KICS2: variants seen among roughly 807,000 people sequenced by gnomAD.
The protein encoded by KICS2 is KICSTOR subunit 2.
Under a neutral mutation model 31.4 loss-of-function variants are expected in KICS2, and 13 were observed. The ratio of observed to expected loss-of-function variants is 0.41; its 90% CI spans 0.27 to 0.66. The LOEUF is 0.66. Among genes scored for constraint, KICS2 ranks in the 30% least tolerant of loss-of-function variants. The probability of loss-of-function intolerance (pLI) is 0.28; values close to 1 mark genes in which losing one functional copy is unlikely to be tolerated. For missense variants in KICS2, 455 were observed against 545.4 expected (o/e 0.83, Z 1.65); for synonymous variants, 209 against 214.8 (o/e 0.97, Z 0.24).
At chr12:64,212,419 G>A (rs1391229442) in intron 2 of KICS2, among the ~76,000 whole-genome samples, 3 of 152,162 alleles carry the variant, frequency 2.0e-5, no homozygotes, top group East Asian at 1.9e-4. Flanking sequence ...TGGAAATTAT[G>A]TAATTTCCAT....
In KICS2 at chr12:64,193,196, A is replaced by C; in HGVS notation, c.*646T>G. On this transcript the variant is annotated 3_prime_UTR_variant, in exon 3 of 3. Coordinates refer to ENST00000398055, the MANE Select transcript of KICS2 (RefSeq NM_152440.5). ...AGTTAGGTGTGTACATTACCCCAAA[A>C]GAACCCATGGCTATTAAAGCTGCCA... 1 of 985,572 alleles carries C rather than the reference A, an allele frequency of 1.0e-6. No homozygotes were observed. Among genetic ancestry groups the C allele is most frequent in the Non-Finnish European group, 1.2e-6 (1 of 830,032 alleles). The allele number at this position is 985,572 out of a possible 1,614,324, so 61.1% of individuals were successfully genotyped here.
chr12:64,194,994 A>T (rs1256473986), intron 2 of KICS2, among the ~76,000 whole-genome samples: 2 of 150,252 alleles, frequency 1.3e-5, no homozygotes, highest in East Asian at 2.0e-4. Flanking sequence ...CCCAGGCTGG[A>T]GTGCAATTGT....
chr12:64,196,442 C>T (rs1167214080), intron 2 of KICS2, among the ~76,000 whole-genome samples: 6 of 149,966 alleles, frequency 4.0e-5, no homozygotes, highest in East Asian at 2.0e-4. Flanking sequence ...CACCGAAAAC[C>T]CATCTGTACA....
chr12:64,202,255 A>G (rs1007254817), intron 2 of KICS2, among the ~76,000 whole-genome samples: 7 of 152,064 alleles, frequency 4.6e-5, no homozygotes, highest in African/African-American at 1.7e-4. Context: ...AACATTCAAA[A>G]ATTAGTCAAG....
chr12:64,222,258 A>T lies in KICS2; in HGVS notation c.-21T>A, dbSNP rs1054116251. On this transcript the variant is annotated 5_prime_UTR_variant, in exon 1 of 3. Transcript: ENST00000398055. ...CCCATGCGAGCTGCGCCCCAGCTCG[A>T]CCCACGTGGCTCTCCTCGGCCTCGC... The T allele has an allele frequency of 6.2e-7, 1 of 1,611,142 alleles. No individual in the cohort carries two copies. The highest frequency in any genetic ancestry group is 2.2e-5 in the East Asian group (1 of 44,798).
At chr12:64,208,136 A>G (rs527725343) in intron 2 of KICS2, among the ~76,000 whole-genome samples, 9 of 152,178 alleles carry the variant, frequency 5.9e-5, no homozygotes, top group Admixed American at 3.9e-4. Context: ...CAGCCTCCCA[A>G]GTACCTGGGA....
In KICS2 at chr12:64,215,807, A is replaced by C; in HGVS notation, c.392T>G (p.Phe131Cys). The change falls in exon 2 of 3, where the codon TTC becomes TGC. Residue 131 changes from phenylalanine to cysteine, a missense_variant. Coordinates refer to ENST00000398055, the MANE Select transcript of KICS2 (RefSeq NM_152440.5). ...LLSHLSEQLC[F>C]FVQARMEIAD... Reference sequence around the variant, plus strand: ...TATCTCCATCCGAGCCTGAACAAAGAAGCAGAGCTGCTCTGACAGGTGGGA... The same window carrying C: ...TATCTCCATCCGAGCCTGAACAAAGCAGCAGAGCTGCTCTGACAGGTGGGA... The C allele has an allele frequency of 6.2e-7, 1 of 1,614,120 alleles. No homozygotes were observed. The highest frequency in any genetic ancestry group is 1.1e-5 in the South Asian group (1 of 91,062).
rs1367150924 is a variant in KICS2 at position 64,192,637 on chromosome 12, A to C, written c.*1205T>G. On this transcript the variant is annotated 3_prime_UTR_variant, in exon 3 of 3. Coordinates refer to ENST00000398055, the MANE Select transcript of KICS2 (RefSeq NM_152440.5). ...GGAACCATCAAACCAGTAACAACTCAATTACTCTTTGTGGCTTCTTTTTAT... is the reference window on the plus strand; with the variant it reads ...GGAACCATCAAACCAGTAACAACTCCATTACTCTTTGTGGCTTCTTTTTAT... The C allele has an allele frequency of 7.1e-6, 7 of 985,320 alleles. No individual in the cohort carries two copies. Among genetic ancestry groups the C allele is most frequent in the African/African-American group, 1.7e-5 (1 of 57,238 alleles). The allele number at this position is 985,320 out of a possible 1,614,324, so 61.0% of individuals were successfully genotyped here.
chr12:64,214,262 C>G (rs944704386), intron 2 of KICS2, among the ~76,000 whole-genome samples: 1 of 152,220 alleles, frequency 6.6e-6, no homozygotes, highest in African/African-American at 2.4e-5. Context: ...AGCACAGCAG[C>G]TGTGATGGAG....
intron 1 of KICS2, among the ~76,000 whole-genome samples, chr12:64,219,068 G>C (rs2037655275): frequency 6.6e-6 from 1 of 152,060 alleles, no homozygotes; most frequent in Non-Finnish European, 1.5e-5. Context: ...ATGATTTTTA[G>C]AAGGCTCTAG....
At chr12:64,217,866 A>G (rs1214502167) in intron 1 of KICS2, among the ~76,000 whole-genome samples, 1 of 139,088 alleles carries the variant, frequency 7.2e-6, no homozygotes, top group Admixed American at 6.8e-5. Flanking sequence ...GAAAGGAAAG[A>G]AAAGAAAAGA....
intron 2 of KICS2, among the ~76,000 whole-genome samples, chr12:64,195,493 T>C (rs2037425516): frequency 6.6e-6 from 1 of 152,214 alleles, no homozygotes. Flanking sequence ...TAAATGTTTA[T>C]TAAAGAAATA....
rs1035659786 is a variant in KICS2 at position 64,205,067 on chromosome 12, T to A, written c.522-10409A>T. On this transcript the variant is annotated intron_variant, in intron 2 of 2. Coordinates refer to ENST00000398055, the MANE Select transcript of KICS2 (RefSeq NM_152440.5). ...CTATAATCATGGCTATTAGGAAAAT[T>A]TGCCCAGGAACTAGCAACATAGTAA... Among the ~76,000 whole-genome samples, 7 of 152,150 alleles carry A rather than the reference T, an allele frequency of 4.6e-5. No homozygotes were observed. In the South Asian group the frequency reaches 1.5e-3, roughly 32 times the overall value.
At chr12:64,196,578 C>T (rs2037441628) in intron 2 of KICS2, among the ~76,000 whole-genome samples, 1 of 151,768 alleles carries the variant, frequency 6.6e-6, no homozygotes, top group Non-Finnish European at 1.5e-5. Context: ...TCCTCACCAG[C>T]AATGGAACAA....
chr12:64,214,237 G>C (rs1001813488), intron 2 of KICS2, among the ~76,000 whole-genome samples: 1 of 152,196 alleles, frequency 6.6e-6, no homozygotes, highest in Non-Finnish European at 1.5e-5. Context: ...GCTAGGTTCT[G>C]TTCCAGGTGC....
chr12:64,207,482 C>T (rs1386616561), intron 2 of KICS2, among the ~76,000 whole-genome samples: 2 of 152,044 alleles, frequency 1.3e-5, no homozygotes, highest in African/African-American at 4.8e-5. Context: ...TGTAACTTTG[C>T]AGCTCCTTTC....
At position 64,193,561 on chromosome 12, in the gene KICS2, A is replaced by G; in HGVS notation, c.*281T>C. 1 of 1,158,980 alleles carries G rather than the reference A, an allele frequency of 8.6e-7. No homozygotes were observed. The highest frequency in any genetic ancestry group is 1.1e-6 in the Non-Finnish European group (1 of 941,510). 71.8% of individuals were successfully genotyped at this position (1,158,980 alleles called of 1,614,324 possible). A position where few individuals can be genotyped will look rare whatever the true frequency, so the allele number is the denominator to read the frequency against. On this transcript the variant is annotated 3_prime_UTR_variant, in exon 3 of 3. Coordinates refer to ENST00000398055, the MANE Select transcript of KICS2 (RefSeq NM_152440.5). ...AAAAAAAAAAGCCCAATAAATATTC[A>G]ATCTACAAGAAATATAGCAAAATAG...
intron 2 of KICS2, among the ~76,000 whole-genome samples, chr12:64,212,714 G>A (rs1157540306): frequency 6.6e-6 from 1 of 152,118 alleles, no homozygotes; most frequent in Non-Finnish European, 1.5e-5. Context: ...TAGAATTGCT[G>A]ATCATATGGT....
At chr12:64,221,871 G>C (rs1428229630) in intron 1 of KICS2, 132 bp downstream of exon 1, 2 of 998,034 alleles carry the variant, frequency 2.0e-6, no homozygotes, top group African/African-American at 1.6e-5. Flanking sequence ...ACGGTGGGAG[G>C]AGATCTGGGA....
Sources: gnomAD v4.1 joint callset for allele counts (sites outside exome capture counted in the v4.1 genomes callset) on GRCh38, gnomAD v4.1.1 for gene constraint, MANE v1.5 for transcripts, NCBI Gene and HGNC (gene_info 2026-07-23, HGNC 2026-07-21) for gene names.